Variants in DCC observed in about 807,000 individuals in gnomAD.
The protein encoded by DCC is netrin receptor DCC.
A neutral mutation model predicts 172.5 loss-of-function variants in DCC; 58 were observed. The observed-to-expected ratio is 0.34, with a 90% CI of 0.27 to 0.42. The LOEUF (loss-of-function observed/expected upper bound fraction) is 0.42, where lower values mean the gene tolerates loss of function less well. Among genes scored for constraint, DCC ranks in the 10% least tolerant of loss-of-function variants. DCC has a pLI of 1.00. For synonymous variants in DCC, 709 were observed against 644.5 expected (o/e 1.10, Z -1.52); for missense variants, 1,740 against 1,791.0 (o/e 0.97, Z 0.51).
At chr18:52,855,251 T>C (rs1317550145) in intron 2 of DCC, among the ~76,000 whole-genome samples, 4 of 152,202 alleles carry the variant, frequency 2.6e-5, no homozygotes, top group Non-Finnish European at 5.9e-5. Flanking sequence ...CATTTCTACT[T>C]AGAGCATCTT....
intron 1 of DCC, among the ~76,000 whole-genome samples, chr18:52,566,991 C>A (rs2033176253): frequency 6.6e-6 from 1 of 152,120 alleles, no homozygotes; most frequent in East Asian, 1.9e-4. Flanking sequence ...ACTTTTCATG[C>A]ATTTATAGTG....
At chr18:52,439,208 G>A (rs1003254493) in intron 1 of DCC, among the ~76,000 whole-genome samples, 1 of 151,622 alleles carries the variant, frequency 6.6e-6, no homozygotes, top group African/African-American at 2.4e-5. Context: ...GTGTGTGTGT[G>A]TGTAGTTTGG....
At chr18:52,504,592 T>TG (rs1352034255) in intron 1 of DCC, among the ~76,000 whole-genome samples, 1 of 152,202 alleles carries the variant, frequency 6.6e-6, no homozygotes, top group Admixed American at 6.5e-5. Context: ...CCTGCCAGCT[T>TG]GGGGTGACTG....
intron 1 of DCC, among the ~76,000 whole-genome samples, chr18:52,685,608 G>T (rs1446341510): frequency 6.6e-6 from 1 of 152,088 alleles, no homozygotes; most frequent in East Asian, 1.9e-4. Flanking sequence ...TTGTTAAAAA[G>T]AGTCTGACTT....
intron 1 of DCC, among the ~76,000 whole-genome samples, chr18:52,747,150 C>T (rs1001923699): frequency 1.3e-5 from 2 of 152,136 alleles, no homozygotes; most frequent in African/African-American, 4.8e-5. Context: ...GAGATGGAAA[C>T]ACTCATTTTT....
At chr18:52,632,016 T>C (rs2034687215) in intron 1 of DCC, among the ~76,000 whole-genome samples, 1 of 152,082 alleles carries the variant, frequency 6.6e-6, no homozygotes, top group Non-Finnish European at 1.5e-5. Context: ...CCTGGAAAAA[T>C]CTCCTTCACA....
intron 27 of DCC, among the ~76,000 whole-genome samples, chr18:53,502,039 C>T (rs2046107286): frequency 6.6e-6 from 1 of 152,076 alleles, no homozygotes; most frequent in South Asian, 2.1e-4. Flanking sequence ...TCTGAAGAGC[C>T]AAAGAACCAT....
At chr18:52,983,205 G>A (rs2041238166) in intron 5 of DCC, among the ~76,000 whole-genome samples, 1 of 152,122 alleles carries the variant, frequency 6.6e-6, no homozygotes, top group Admixed American at 6.6e-5. Flanking sequence ...TTTTCCTAGA[G>A]GAGACACCAG....
At chr18:53,191,385 A>C (rs1255772535) in intron 9 of DCC, among the ~76,000 whole-genome samples, 1 of 152,138 alleles carries the variant, frequency 6.6e-6, no homozygotes, top group African/African-American at 2.4e-5. Context: ...AATTTTTATC[A>C]CTTTGGATAT....
chr18:53,135,365 T>C (rs1370882545), intron 7 of DCC, among the ~76,000 whole-genome samples: 1 of 152,140 alleles, frequency 6.6e-6, no homozygotes. Context: ...AAATTTTCCA[T>C]TAATGTTTGT....
intron 1 of DCC, among the ~76,000 whole-genome samples, chr18:52,392,855 G>A (rs535817882): frequency 2.0e-5 from 3 of 152,126 alleles, no homozygotes; most frequent in South Asian, 2.1e-4. Flanking sequence ...GATTGGAATC[G>A]AACTATGCAA....
At chr18:52,470,675 A>G (rs1988921018) in intron 1 of DCC, among the ~76,000 whole-genome samples, 1 of 152,200 alleles carries the variant, frequency 6.6e-6, no homozygotes, top group Non-Finnish European at 1.5e-5. Context: ...TTCCTGTACG[A>G]GTGTCCCCTT....
intron 7 of DCC, among the ~76,000 whole-genome samples, chr18:53,131,065 G>C (rs979450985): frequency 6.6e-6 from 1 of 152,008 alleles, no homozygotes; most frequent in Non-Finnish European, 1.5e-5. Context: ...AAAAGGCTGC[G>C]TTAGAAAATA....
intron 2 of DCC, among the ~76,000 whole-genome samples, chr18:52,879,524 A>G (rs113690737): frequency 0.064 from 9,432 of 147,236 alleles, 381 homozygotes; most frequent in East Asian, 0.23. Flanking sequence ...CCTGGGTTCA[A>G]GCGATTCTTC....
At chr18:52,668,925 G>A (rs944748057) in intron 1 of DCC, among the ~76,000 whole-genome samples, 9 of 152,216 alleles carry the variant, frequency 5.9e-5, no homozygotes, top group Non-Finnish European at 1.2e-4. Context: ...CACCCTGTCC[G>A]CTGCCTAGCA....
intron 14 of DCC, among the ~76,000 whole-genome samples, chr18:53,336,370 A>G (rs966193068): frequency 2.0e-5 from 3 of 152,236 alleles, no homozygotes; most frequent in African/African-American, 4.8e-5. Flanking sequence ...CTCAGGTAGC[A>G]TAAAAGGAAA....
In DCC at chr18:52,980,556, A is replaced by T. The variant is rs951961275; in HGVS notation, c.985+55186A>T. Among the ~76,000 whole-genome samples, 7 of 152,212 alleles carry T rather than the reference A, an allele frequency of 4.6e-5. 1 individual carries two copies. The highest frequency in any genetic ancestry group is 1.7e-4 in the African/African-American group (7 of 41,460). The stretch of plus-strand genomic sequence containing the variant: ...TTGAGGTAGAGAAGAAATAGATTAC[A>T]GTTCAACTAACTATGTTAATTTTAT... On this transcript the variant is annotated intron_variant, in intron 5 of 28. Transcript: ENST00000442544.
intron 7 of DCC, among the ~76,000 whole-genome samples, chr18:53,128,423 A>C (rs1012517543): frequency 1.3e-5 from 2 of 151,978 alleles, no homozygotes; most frequent in Non-Finnish European, 2.9e-5. Flanking sequence ...ATGCTGAGAG[A>C]TTTTACTCCT....
chr18:52,852,364 A>G (rs1053583368), intron 2 of DCC, among the ~76,000 whole-genome samples: 1 of 152,176 alleles, frequency 6.6e-6, no homozygotes. Flanking sequence ...AAAAGATGAG[A>G]TGATTGTTAT....
Sources: allele counts gnomAD v4.1 joint callset (sites outside exome capture counted in the v4.1 genomes callset), GRCh38; gene constraint gnomAD v4.1.1; transcripts MANE v1.5; gene names NCBI Gene and HGNC (gene_info 2026-07-23, HGNC 2026-07-21).